The following RNASEH2B variants were observed in gnomAD, a reference collection of about 807,000 sequenced individuals.
RNASEH2B encodes the protein Aicardi-Goutieres syndrome 2 protein.
Under a neutral mutation model 45.0 loss-of-function variants are expected in RNASEH2B, and 36 were observed. That is an observed-to-expected ratio of 0.80 (90% CI 0.61 to 1.06). The LOEUF is 1.06. Ranked by LOEUF, RNASEH2B falls within the 50% of genes least tolerant of loss-of-function variation. The pLI is 0.00. For missense variants in RNASEH2B, 361 were observed against 360.3 expected, an observed-to-expected ratio of 1.00 and a Z score of -0.02; for synonymous variants, 119 against 125.7, an observed-to-expected ratio of 0.95 and a Z score of 0.35.
chr13:50,924,435 C>T (rs895202388), intron 1 of RNASEH2B, among the ~76,000 whole-genome samples: 3 of 152,160 alleles, frequency 2.0e-5, no homozygotes, highest in East Asian at 1.9e-4. Flanking sequence ...AAAATTATTA[C>T]TAGACACATA....
At chr13:50,922,842 A>C (rs192301704) in intron 1 of RNASEH2B, among the ~76,000 whole-genome samples, 82 of 152,328 alleles carry the variant, frequency 5.4e-4, no homozygotes, top group Non-Finnish European at 6.0e-4. Flanking sequence ...ACTGTCTCTG[A>C]AGGGGCTGAG....
At chr13:50,927,986 G>C (rs984343776) in intron 2 of RNASEH2B, among the ~76,000 whole-genome samples, 18 of 151,472 alleles carry the variant, frequency 1.2e-4, no homozygotes, top group African/African-American at 4.1e-4. Context: ...TCTCCGTCAG[G>C]GGACTTTTTT....
intron 1 of RNASEH2B, chr13:50,911,248 A>AC (rs1372190365): frequency 6.6e-6 from 1 of 152,044 alleles, no homozygotes; most frequent in Non-Finnish European, 1.5e-5. Flanking sequence ...ATAAGAGTGT[A>AC]CCCTTTGTGT....
At chr13:50,957,272 C>T (rs957776742), downstream of RNASEH2B, among the ~76,000 whole-genome samples, 5 of 152,086 alleles carry the variant, frequency 3.3e-5, no homozygotes, top group Non-Finnish European at 7.4e-5. Context: ...TTGAAGTCCC[C>T]AGTGTCTATT....
chr13:50,961,948 T>TACAAAA (rs1247934864), intron 9 of RNASEH2B, among the ~76,000 whole-genome samples: 1 of 152,206 alleles, frequency 6.6e-6, no homozygotes, highest in Non-Finnish European at 1.5e-5. Flanking sequence ...TCTACTGAGA[T>TACAAAA]GATCAAGTAG....
intron 1 of RNASEH2B, chr13:50,910,715 A>T (rs1162470292): frequency 6.6e-6 from 1 of 152,538 alleles, no homozygotes; most frequent in African/African-American, 2.4e-5. Flanking sequence ...CCCCGTGTGG[A>T]TGATGACCGG....
At chr13:50,928,628 G>T (rs1328872652) in intron 2 of RNASEH2B, 1 of 152,164 alleles carries the variant, frequency 6.6e-6, no homozygotes, top group Non-Finnish European at 1.5e-5. Context: ...GCTAACATTT[G>T]CTGAGTTCTT....
chr13:50,914,070 A>G (rs1250714889), intron 1 of RNASEH2B, among the ~76,000 whole-genome samples: 1 of 149,074 alleles, frequency 6.7e-6, no homozygotes, highest in Non-Finnish European at 1.5e-5. Flanking sequence ...TTGGTCCACC[A>G]ACTGGCATAA....
At chr13:50,958,532 C>T (rs1278900927), downstream of RNASEH2B, among the ~76,000 whole-genome samples, 2 of 152,112 alleles carry the variant, frequency 1.3e-5, no homozygotes, top group African/African-American at 4.8e-5. Context: ...TGTGATACCT[C>T]TGGCTTTGTT....
intron 1 of RNASEH2B, among the ~76,000 whole-genome samples, chr13:50,918,421 G>C (rs911956795): frequency 1.3e-5 from 2 of 152,216 alleles, no homozygotes. Context: ...ACAGGCGTGA[G>C]CCACTGCGCC....
At chr13:50,925,867 T>A (rs1951588166) in intron 1 of RNASEH2B, among the ~76,000 whole-genome samples, 1 of 152,174 alleles carries the variant, frequency 6.6e-6, no homozygotes, top group Non-Finnish European at 1.5e-5. Context: ...CTGGAATTCT[T>A]AGCATCATCT....
At chr13:50,925,012 C>T (rs1389286080) in intron 1 of RNASEH2B, among the ~76,000 whole-genome samples, 1 of 151,868 alleles carries the variant, frequency 6.6e-6, no homozygotes, top group Non-Finnish European at 1.5e-5. Flanking sequence ...CCCTCTTCTC[C>T]TTTTGGAAAC....
intron 5 of RNASEH2B, chr13:50,938,217 T>TA (rs1173550559): frequency 2.0e-5 from 3 of 152,178 alleles, no homozygotes; most frequent in Non-Finnish European, 2.9e-5. Flanking sequence ...ACACAATATG[T>TA]TCAAGACCAA....
intron 1 of RNASEH2B, chr13:50,913,273 T>C (rs945126230): frequency 6.6e-6 from 1 of 152,254 alleles, no homozygotes; most frequent in African/African-American, 2.4e-5. Flanking sequence ...ATCCCTCTTT[T>C]TCTGCCCTAA....
At chr13:50,910,657 A>G in intron 1 of RNASEH2B, 1 of 152,786 alleles carries the variant, frequency 6.5e-6, no homozygotes, top group South Asian at 2.0e-4. Context: ...GTTCAAAGCG[A>G]TTCAGCAGGA....
chr13:50,923,479 G>A (rs1401769351), intron 1 of RNASEH2B, among the ~76,000 whole-genome samples: 1 of 152,104 alleles, frequency 6.6e-6, no homozygotes, highest in African/African-American at 2.4e-5. Flanking sequence ...ATTAACAGCT[G>A]ACTTCTCATT....
chr13:50,959,943 A>T (rs1447864471), downstream of RNASEH2B: 3 of 320,266 alleles, frequency 9.4e-6, no homozygotes, highest in Non-Finnish European at 1.7e-5. Flanking sequence ...TGTTAGATGC[A>T]TAACTTACTT....
downstream of RNASEH2B, chr13:50,959,367 G>A (rs1484716923): frequency 1.3e-5 from 2 of 151,768 alleles, no homozygotes; most frequent in East Asian, 1.9e-4. Flanking sequence ...CACAGATATT[G>A]TACTTAGAAA....
chr13:50,913,555 G>GCTGATTAAAATATTCCTTAATCAGCCCC (rs1566073101), intron 1 of RNASEH2B, among the ~76,000 whole-genome samples: 3 of 151,758 alleles, frequency 2.0e-5, no homozygotes, highest in Non-Finnish European at 4.4e-5. Context: ...GTTCACTTAG[G>GCTGATTAAAATATTCCTTAATCAGCCCC]CTGATTAAAA....
Sources: gnomAD v4.1 joint callset for allele counts (sites outside exome capture counted in the v4.1 genomes callset) on GRCh38, gnomAD v4.1.1 for gene constraint, MANE v1.5 for transcripts, NCBI Gene and HGNC (gene_info 2026-07-23, HGNC 2026-07-21) for gene names.